CBLN2: variants seen among roughly 807,000 people sequenced by gnomAD.
The protein encoded by CBLN2 is cerebellin 2 precursor, also known as cerebellin-2.
In CBLN2, 7 loss-of-function variants were observed where a neutral mutation model predicts 15.0. The observed-to-expected ratio is 0.47, with a 90% CI of 0.27 to 0.88. The LOEUF is 0.88. Ranked by LOEUF, CBLN2 falls within the 40% of genes least tolerant of loss-of-function variation. The pLI, the probability that CBLN2 is intolerant of heterozygous loss-of-function variation, is 0.14. For synonymous variants in CBLN2, 149 were observed against 135.2 expected, an observed-to-expected ratio of 1.10 and a Z score of -0.71; for missense variants, 242 against 304.5, an observed-to-expected ratio of 0.79 and a Z score of 1.53.
intron 1 of CBLN2, among the ~76,000 whole-genome samples, chr18:72,601,818 C>T (rs2069550275): frequency 6.6e-6 from 1 of 152,202 alleles, no homozygotes. Flanking sequence ...GCTCCCCCTC[C>T]ACAGACTCTT....
At chr18:72,551,905 T>C (rs1183245403) in intron 1 of CBLN2, among the ~76,000 whole-genome samples, 2 of 152,178 alleles carry the variant, frequency 1.3e-5, no homozygotes, top group African/African-American at 2.4e-5. Context: ...ACTTTTTCTT[T>C]TGTGATTTTG....
chr18:72,566,325 CAAATG>C (rs570043218), intron 1 of CBLN2, among the ~76,000 whole-genome samples: 24 of 152,200 alleles, frequency 1.6e-4, no homozygotes, highest in Non-Finnish European at 2.9e-4. Context: ...GGTATATCAT[CAAATG>C]AAATGAAATA....
At chr18:72,631,543 A>G (rs2069776633) in intron 1 of CBLN2, among the ~76,000 whole-genome samples, 1 of 152,290 alleles carries the variant, frequency 6.6e-6, no homozygotes, top group East Asian at 1.9e-4. Context: ...TGCTTGGAAA[A>G]CATGGGGTGA....
chr18:72,589,931 G>A (rs374263564), intron 1 of CBLN2, among the ~76,000 whole-genome samples: 1 of 152,000 alleles, frequency 6.6e-6, no homozygotes. Flanking sequence ...TCAGGAGTTC[G>A]AGACCAGCCT....
intron 1 of CBLN2, among the ~76,000 whole-genome samples, chr18:72,619,765 C>T (rs544481639): frequency 6.6e-6 from 1 of 152,218 alleles, no homozygotes; most frequent in African/African-American, 2.4e-5. Context: ...TTTGTTGTCC[C>T]TAGGTTAAAT....
rs191294541 is a variant in CBLN2, at chr18:72,586,669, C to T, written c.16-47897G>A. On this transcript the variant is annotated intron_variant, in intron 1 of 2. Coordinates refer to the CBLN2 transcript ENST00000581073. ...ACTATTCATGAAGATCATTTGTACT[C>T]ACACAGTACGTTAGTGACTGGTGTT... is the stretch of plus-strand genomic sequence containing the variant. Among the ~76,000 whole-genome samples the T allele has an allele frequency of 7.0e-4, 106 of 152,256 alleles. 1 individual carries two copies. Among genetic ancestry groups the T allele is most frequent in the African/African-American group, 2.4e-3 (101 of 41,558 alleles).
intron 1 of CBLN2, among the ~76,000 whole-genome samples, chr18:72,623,096 C>T (rs776184313): frequency 1.1e-4 from 17 of 152,034 alleles, no homozygotes; most frequent in Non-Finnish European, 2.4e-4. Flanking sequence ...AGGAAGAGAG[C>T]GAAGGGGGAG....
chr18:72,544,811 A>G (rs1409874608), upstream of CBLN2, among the ~76,000 whole-genome samples: 1 of 152,054 alleles, frequency 6.6e-6, no homozygotes, highest in Non-Finnish European at 1.5e-5. Flanking sequence ...ATCGGTTATT[A>G]TCGTCGGCAC....
At chr18:72,619,738 T>G (rs2069687210) in intron 1 of CBLN2, among the ~76,000 whole-genome samples, 3 of 152,172 alleles carry the variant, frequency 2.0e-5, no homozygotes, top group African/African-American at 7.2e-5. Flanking sequence ...AACTCCTAGT[T>G]TTACTTTTAA....
At position 72,538,158 on chromosome 18, in the gene CBLN2, A is replaced by G. The variant is rs759769062; in HGVS notation, c.*18T>C. ...GGGTCCAGTTTGCCATTCCCCCACC[A>G]TCTAGGGGGCTCTGTGTTTATAGAG... On this transcript the variant is annotated 3_prime_UTR_variant, in exon 5 of 5. Transcript: ENST00000269503. 1.2e-6 allele frequency: 2 copies of G among 1,613,812 alleles called. No homozygotes were observed. Among genetic ancestry groups the G allele is most frequent in the Non-Finnish European group, 1.7e-6 (2 of 1,179,876 alleles).
intron 1 of CBLN2, among the ~76,000 whole-genome samples, chr18:72,600,250 C>T (rs2069539079): frequency 6.6e-6 from 1 of 152,166 alleles, no homozygotes; most frequent in Non-Finnish European, 1.5e-5. Flanking sequence ...TGATTATAAA[C>T]TTGATCCTGA....
intron 1 of CBLN2, among the ~76,000 whole-genome samples, chr18:72,571,495 T>G (rs1465878003): frequency 6.6e-6 from 1 of 152,072 alleles, no homozygotes; most frequent in East Asian, 1.9e-4. Flanking sequence ...GTGGGGAAAT[T>G]TATGGAGTAA....
chr18:72,613,200 G>A (rs532077734), intron 1 of CBLN2, among the ~76,000 whole-genome samples: 1 of 152,224 alleles, frequency 6.6e-6, no homozygotes, highest in East Asian at 1.9e-4. Context: ...ATTTCCATAC[G>A]TGATCACATT....
Position 72,538,053 on chromosome 18 carries a change from C to T in CBLN2, c.*123G>A. The T allele has an allele frequency of 1.1e-6, 1 of 935,016 alleles. No individual in the cohort carries two copies. The allele number at this position is 935,016 out of a possible 1,614,324, so 57.9% of individuals were successfully genotyped here. Reference sequence around the variant, plus strand: ...GGAGGTTTCAAAGGAAATCATTCTTCTACTGCAACAGTCTGACGGAGGTTG... The same window carrying T: ...GGAGGTTTCAAAGGAAATCATTCTTTTACTGCAACAGTCTGACGGAGGTTG... On this transcript the variant is annotated 3_prime_UTR_variant, in exon 5 of 5. Transcript: ENST00000269503.
chr18:72,612,993 G>T (rs962981209), intron 1 of CBLN2, among the ~76,000 whole-genome samples: 1 of 152,112 alleles, frequency 6.6e-6, no homozygotes, highest in Non-Finnish European at 1.5e-5. Flanking sequence ...GCCTTGCCCC[G>T]CAGATTCTGG....
intron 1 of CBLN2, among the ~76,000 whole-genome samples, chr18:72,611,716 T>C (rs2069623863): frequency 6.6e-6 from 1 of 152,228 alleles, no homozygotes; most frequent in South Asian, 2.1e-4. Flanking sequence ...GTTGATGGTT[T>C]CTTTTGCTGG....
chr18:72,588,339 T>C (rs2069456639), intron 1 of CBLN2, among the ~76,000 whole-genome samples: 1 of 152,238 alleles, frequency 6.6e-6, no homozygotes, highest in Non-Finnish European at 1.5e-5. Context: ...TGAATGAACC[T>C]CTAAACAAAT....
At chr18:72,608,967 G>A (rs971031760) in intron 1 of CBLN2, among the ~76,000 whole-genome samples, 25 of 152,240 alleles carry the variant, frequency 1.6e-4, no homozygotes, top group African/African-American at 6.0e-4. Context: ...TCACTACCAT[G>A]AGAACAATAT....
intron 1 of CBLN2, among the ~76,000 whole-genome samples, chr18:72,553,531 A>G (rs1478894600): frequency 6.6e-6 from 1 of 152,194 alleles, no homozygotes; most frequent in Non-Finnish European, 1.5e-5. Context: ...GTACATATAT[A>G]TTACAAATGT....
Sources: gnomAD v4.1 joint callset for allele counts (sites outside exome capture counted in the v4.1 genomes callset) on GRCh38, gnomAD v4.1.1 for gene constraint, MANE v1.5 for transcripts, NCBI Gene and HGNC (gene_info 2026-07-23, HGNC 2026-07-21) for gene names.